The following CDKAL1 variants were observed in gnomAD, a reference collection of about 807,000 sequenced individuals.
CDKAL1 encodes the protein threonylcarbamoyladenosine tRNA methylthiotransferase.
A neutral mutation model predicts 68.2 loss-of-function variants in CDKAL1; 32 were observed. The ratio of observed to expected loss-of-function variants is 0.47; its 90% confidence interval spans 0.35 to 0.63. The LOEUF (loss-of-function observed/expected upper bound fraction) is 0.63, where lower values mean the gene tolerates loss of function less well. CDKAL1 is among the 30% of genes least tolerant of loss of function. The pLI, the probability that CDKAL1 is intolerant of heterozygous loss-of-function variation, is 0.00. For synonymous variants in CDKAL1, 234 were observed against 244.3 expected, an observed-to-expected ratio of 0.96 and a Z score of 0.39; for missense variants, 606 against 696.7, an observed-to-expected ratio of 0.87 and a Z score of 1.47.
intron 11 of CDKAL1, among the ~76,000 whole-genome samples, chr6:21,007,913 CCT>C (rs1256178644): frequency 6.6e-6 from 1 of 152,160 alleles, no homozygotes; most frequent in East Asian, 1.9e-4. Flanking sequence ...AAGGCATTTT[CCT>C]CTAGCACTGG....
At chr6:21,117,220 C>T (rs1392868870) in intron 13 of CDKAL1, among the ~76,000 whole-genome samples, 1 of 152,044 alleles carries the variant, frequency 6.6e-6, no homozygotes, top group East Asian at 1.9e-4. Context: ...TATATAAGTC[C>T]TGTTACATGC....
chr6:20,807,517 G>A (rs930601576), intron 8 of CDKAL1, among the ~76,000 whole-genome samples: 4 of 152,146 alleles, frequency 2.6e-5, no homozygotes, highest in Admixed American at 6.5e-5. Flanking sequence ...CACTGTACCC[G>A]GCCTGAAATT....
intron 9 of CDKAL1, among the ~76,000 whole-genome samples, chr6:20,924,436 G>A (rs1316878528): frequency 6.6e-6 from 1 of 151,092 alleles, no homozygotes; most frequent in South Asian, 2.1e-4. Flanking sequence ...CTCTTATACC[G>A]TTGGGTCATG....
chr6:20,988,197 T>TGTGTGG (rs1766588348), intron 10 of CDKAL1, among the ~76,000 whole-genome samples: 1 of 151,110 alleles, frequency 6.6e-6, no homozygotes, highest in African/African-American at 2.4e-5. Flanking sequence ...TGTGTGTGTG[T>TGTGTGG]GTGTGTGTGT....
At chr6:21,190,120 C>A (rs1778175085) in intron 13 of CDKAL1, among the ~76,000 whole-genome samples, 1 of 150,962 alleles carries the variant, frequency 6.6e-6, no homozygotes, top group Non-Finnish European at 1.5e-5. Flanking sequence ...ATGTTCCAGG[C>A]AGCTTAGGGG....
At chr6:20,858,312 A>G (rs1035015118) in intron 9 of CDKAL1, among the ~76,000 whole-genome samples, 4 of 149,196 alleles carry the variant, frequency 2.7e-5, no homozygotes, top group Admixed American at 1.4e-4. Context: ...AGCTCTTTTT[A>G]TTCTGTATTG....
chr6:20,665,307 G>C (rs535353073), intron 5 of CDKAL1, among the ~76,000 whole-genome samples: 1 of 151,406 alleles, frequency 6.6e-6, no homozygotes, highest in Non-Finnish European at 1.5e-5. Context: ...TTAGCACAGT[G>C]CTCTGAATGT....
At chr6:21,207,507 C>T (rs1217132173) in intron 15 of CDKAL1, among the ~76,000 whole-genome samples, 1 of 152,036 alleles carries the variant, frequency 6.6e-6, no homozygotes, top group Non-Finnish European at 1.5e-5. Context: ...AGAATGAAAC[C>T]TTATCTCAAG....
chr6:21,069,652 A>G (rs1450328298), intron 12 of CDKAL1, among the ~76,000 whole-genome samples: 1 of 151,984 alleles, frequency 6.6e-6, no homozygotes, highest in East Asian at 1.9e-4. Context: ...CATTGGCCTC[A>G]TAGAATTAGT....
At chr6:21,174,826 A>T (rs1000512704) in intron 13 of CDKAL1, among the ~76,000 whole-genome samples, 3 of 152,084 alleles carry the variant, frequency 2.0e-5, no homozygotes. Context: ...CCCGTATCCA[A>T]AGAGATATGC....
chr6:20,777,044 A>G (rs970308474), intron 7 of CDKAL1, among the ~76,000 whole-genome samples: 5 of 152,178 alleles, frequency 3.3e-5, no homozygotes, highest in Non-Finnish European at 5.9e-5. Flanking sequence ...GGTGCAAGCA[A>G]TGGACAGACG....
At chr6:20,962,726 T>C (rs1256044310) in intron 10 of CDKAL1, among the ~76,000 whole-genome samples, 1 of 152,224 alleles carries the variant, frequency 6.6e-6, no homozygotes, top group Non-Finnish European at 1.5e-5. Context: ...ATATATTCTC[T>C]ACTGTTGTAT....
At chr6:20,865,816 G>GACC (rs1759878256) in intron 9 of CDKAL1, among the ~76,000 whole-genome samples, 1 of 152,140 alleles carries the variant, frequency 6.6e-6, no homozygotes, top group Admixed American at 6.6e-5. Flanking sequence ...AGATACTTTA[G>GACC]GTCTCCAGCG....
At chr6:21,169,146 A>G (rs1777271038) in intron 13 of CDKAL1, among the ~76,000 whole-genome samples, 1 of 152,242 alleles carries the variant, frequency 6.6e-6, no homozygotes, top group Non-Finnish European at 1.5e-5. Flanking sequence ...CAAGTTGGGC[A>G]TTAAAAAAAA....
intron 7 of CDKAL1, among the ~76,000 whole-genome samples, chr6:20,772,068 C>T (rs1441574057): frequency 6.6e-6 from 1 of 152,100 alleles, no homozygotes; most frequent in Middle Eastern, 3.2e-3. Flanking sequence ...TTTTATTGTT[C>T]TCATTTTCCA....
chr6:20,753,953 CTGTA>C (rs948330955), intron 6 of CDKAL1, among the ~76,000 whole-genome samples: 18 of 113,760 alleles, frequency 1.6e-4, no homozygotes, highest in Non-Finnish European at 3.2e-4. Context: ...TCGTTATTAT[CTGTA>C]TGTGTGTGTG....
intron 9 of CDKAL1, among the ~76,000 whole-genome samples, chr6:20,846,428 C>T (rs1461750304): frequency 2.0e-5 from 3 of 152,112 alleles, no homozygotes; most frequent in African/African-American, 7.2e-5. Flanking sequence ...AACTTTATCA[C>T]CCACCTCTAG....
chr6:20,826,187 A>G (rs1777496198), intron 8 of CDKAL1, among the ~76,000 whole-genome samples: 1 of 152,106 alleles, frequency 6.6e-6, no homozygotes, highest in East Asian at 1.9e-4. Flanking sequence ...GGCTCAACCT[A>G]GGTGTCTTCA....
In CDKAL1 at chr6:20,894,131, A is replaced by G. The variant is rs139637239; in HGVS notation, c.742+47953A>G. On this transcript the variant is annotated intron_variant, in intron 9 of 15. Coordinates refer to ENST00000274695, the MANE Select transcript of CDKAL1 (RefSeq NM_017774.3). ...TTCATTAGCTTATTGACTGCACACT[A>G]AGTATCTAAAGTGTTATTTTGGTGA... 4.9e-3 allele frequency among the ~76,000 whole-genome samples: 748 copies of G among 152,290 alleles called. 5 individuals are homozygous for G. The highest frequency in any genetic ancestry group is 0.025 in the South Asian group (122 of 4,828).
Sources: allele counts gnomAD v4.1 joint callset (sites outside exome capture counted in the v4.1 genomes callset), GRCh38; gene constraint gnomAD v4.1.1; transcripts MANE v1.5; gene names NCBI Gene and HGNC (gene_info 2026-07-23, HGNC 2026-07-21).